The following GAB2 variants were observed in gnomAD, a reference collection of about 807,000 sequenced individuals.
GAB2 encodes the protein GRB2 associated binding protein 2, also known as GRB2-associated-binding protein 2.
A neutral mutation model predicts 65.5 loss-of-function variants in GAB2; 26 were observed. That is an observed-to-expected ratio of 0.40 (90% confidence interval 0.29 to 0.55). GAB2 has a LOEUF of 0.55. GAB2 is among the 20% of genes least tolerant of loss of function. The pLI is 0.53. For missense variants in GAB2, 884 were observed against 875.8 expected (o/e 1.01, Z -0.12); for synonymous variants, 321 against 329.6 (o/e 0.97, Z 0.28).
At chr11:78,410,071 T>C (rs1027790491) in intron 1 of GAB2, among the ~76,000 whole-genome samples, 3 of 152,082 alleles carry the variant, frequency 2.0e-5, no homozygotes, top group Non-Finnish European at 2.9e-5. Context: ...AATATATATA[T>C]ACTGAGCAAA....
intron 1 of GAB2, among the ~76,000 whole-genome samples, chr11:78,313,923 T>C (rs530884098): frequency 6.6e-6 from 1 of 152,208 alleles, no homozygotes; most frequent in East Asian, 1.9e-4. Flanking sequence ...CAAAAAAATG[T>C]GAAGAGAGCA....
chr11:78,282,028 C>T (rs1486026049), intron 1 of GAB2, among the ~76,000 whole-genome samples: 1 of 152,172 alleles, frequency 6.6e-6, no homozygotes, highest in Non-Finnish European at 1.5e-5. Context: ...AAACATGTAA[C>T]CTCAGGATTA....
At chr11:78,296,610 A>G (rs982283188) in intron 1 of GAB2, among the ~76,000 whole-genome samples, 3 of 151,366 alleles carry the variant, frequency 2.0e-5, no homozygotes, top group Admixed American at 6.6e-5. Context: ...CAAAGAAGAC[A>G]CTTGTTTACA....
intron 1 of GAB2, among the ~76,000 whole-genome samples, chr11:78,357,402 A>G (rs1002130721): frequency 5.3e-5 from 8 of 152,326 alleles, no homozygotes; most frequent in Non-Finnish European, 1.2e-4. Context: ...ACAAAAGCCA[A>G]AATTGACAAA....
At chr11:78,294,124 T>G (rs551839576) in intron 1 of GAB2, among the ~76,000 whole-genome samples, 1 of 152,290 alleles carries the variant, frequency 6.6e-6, no homozygotes, top group African/African-American at 2.4e-5. Context: ...TGTGTCCATG[T>G]GTTCTCATTG....
At chr11:78,240,002 T>C (rs1193905108) in intron 3 of GAB2, among the ~76,000 whole-genome samples, 1 of 152,018 alleles carries the variant, frequency 6.6e-6, no homozygotes, top group Non-Finnish European at 1.5e-5. Context: ...TGTGAGCAGC[T>C]GTTACACCCT....
chr11:78,389,602 C>T lies in GAB2; in HGVS notation c.75+28044G>A, dbSNP rs148475527. Reference sequence around the variant, plus strand: ...GATTACAGGCGTGAGCCACCGCGCCCGGCCGTGGTTTTCTTTTCAGGTAAG... The same window carrying T: ...GATTACAGGCGTGAGCCACCGCGCCTGGCCGTGGTTTTCTTTTCAGGTAAG... On this transcript the variant is annotated intron_variant, in intron 1 of 9. Transcript: ENST00000361507. Among the ~76,000 whole-genome samples, 1,135 of 152,264 alleles carry T rather than the reference C, an allele frequency of 7.5e-3. 12 individuals carry two copies. The highest frequency in any genetic ancestry group is 0.017 in the Middle Eastern group (5 of 294).
chr11:78,239,808 AAGTTGCCT>A (rs1334748368), intron 3 of GAB2, among the ~76,000 whole-genome samples: 1 of 152,156 alleles, frequency 6.6e-6, no homozygotes, highest in Non-Finnish European at 1.5e-5. Context: ...CCAGTGAAGG[AAGTTGCCT>A]AGGGTCCACA....
intron 3 of GAB2, among the ~76,000 whole-genome samples, chr11:78,229,093 C>T (rs1397831782): frequency 6.6e-6 from 1 of 152,120 alleles, no homozygotes; most frequent in Non-Finnish European, 1.5e-5. Context: ...TCATTACAGT[C>T]AAGTAGGGGT....
At chr11:78,293,663 C>T (rs765873333) in intron 1 of GAB2, among the ~76,000 whole-genome samples, 3 of 152,138 alleles carry the variant, frequency 2.0e-5, no homozygotes, top group Non-Finnish European at 4.4e-5. Flanking sequence ...TAGCGACAAG[C>T]GTTATGTTCC....
Position 78,216,026 on chromosome 11 carries a change from G to A in GAB2, c.*3246C>T, listed in dbSNP as rs970366639. On this transcript the variant is annotated 3_prime_UTR_variant, in exon 10 of 10. Transcript: ENST00000361507. ...GGAAACCACTAAAGTCAAGCTAGGA[G>A]GGGACTGGGGATAGGTACTGCCCAC... The A allele has an allele frequency of 3.9e-5, 6 of 152,654 alleles. No homozygotes were observed. Among genetic ancestry groups the A allele is most frequent in the African/African-American group, 1.4e-4 (6 of 41,450 alleles). 9.5% of individuals were successfully genotyped at this position (152,654 alleles called of 1,614,324 possible).
chr11:78,241,256 C>T (rs1865126146), intron 3 of GAB2, among the ~76,000 whole-genome samples: 1 of 152,232 alleles, frequency 6.6e-6, no homozygotes, highest in Admixed American at 6.5e-5. Context: ...AGTGGAAACA[C>T]AGTCATCACA....
In GAB2 at chr11:78,335,248, T is replaced by C. The variant is rs1855978491; in HGVS notation, c.76-54347A>G. Among the ~76,000 whole-genome samples, 3 of 152,370 alleles carry C rather than the reference T, an allele frequency of 2.0e-5. 1 individual carries two copies. In the South Asian group the frequency reaches 6.2e-4, roughly 32 times the overall value. ...TGTTCAGAAGCTTGTTAACTTGATG[T>C]GATCCCATTTGTCCATTTTCGCTTT... is the stretch of plus-strand genomic sequence containing the variant. On this transcript the variant is annotated intron_variant, in intron 1 of 9. Coordinates refer to ENST00000361507, the MANE Select transcript of GAB2 (RefSeq NM_080491.3).
chr11:78,376,608 T>C (rs1297937038), intron 1 of GAB2, among the ~76,000 whole-genome samples: 2 of 152,190 alleles, frequency 1.3e-5, no homozygotes, highest in African/African-American at 4.8e-5. Context: ...TCTGTTCTGA[T>C]TAAAAGTTGG....
chr11:78,312,429 TTTTA>T (rs1335131247), intron 1 of GAB2, among the ~76,000 whole-genome samples: 1 of 152,226 alleles, frequency 6.6e-6, no homozygotes, highest in Non-Finnish European at 1.5e-5. Context: ...TCCCATTTTA[TTTTA>T]TTTATTTTTT....
At chr11:78,388,858 TA>T (rs1412106733) in intron 1 of GAB2, among the ~76,000 whole-genome samples, 2 of 152,184 alleles carry the variant, frequency 1.3e-5, no homozygotes, top group Non-Finnish European at 2.9e-5. Context: ...GAAAGAAAGT[TA>T]ACCCTTACCT....
intron 3 of GAB2, among the ~76,000 whole-genome samples, chr11:78,248,332 C>T (rs753922498): frequency 2.0e-5 from 3 of 152,088 alleles, no homozygotes; most frequent in Non-Finnish European, 4.4e-5. Flanking sequence ...GTGGTGGTGG[C>T]GGCAATTGTT....
intron 1 of GAB2, among the ~76,000 whole-genome samples, chr11:78,292,154 C>A (rs1031099392): frequency 3.9e-5 from 6 of 152,114 alleles, no homozygotes; most frequent in Admixed American, 3.3e-4. Flanking sequence ...TAGGTATCAC[C>A]CAGTAACCTC....
intron 1 of GAB2, chr11:78,341,735 ATAC>A: frequency 1.0e-6 from 1 of 984,516 alleles, no homozygotes; most frequent in Middle Eastern, 5.2e-4. Context: ...CTTGCCCGCC[ATAC>A]TCTTTGTTTC....
Sources: allele counts gnomAD v4.1 joint callset (sites outside exome capture counted in the v4.1 genomes callset), GRCh38; gene constraint gnomAD v4.1.1; transcripts MANE v1.5; gene names NCBI Gene and HGNC (gene_info 2026-07-23, HGNC 2026-07-21).